HHIP: variants seen among roughly 807,000 people sequenced by gnomAD.
HHIP encodes the protein hedgehog-interacting protein.
Under a neutral mutation model 74.0 loss-of-function variants are expected in HHIP, and 12 were observed. The ratio of observed to expected loss-of-function variants is 0.16; its 90% CI spans 0.10 to 0.26. The LOEUF is 0.26. HHIP is among the 10% of genes least tolerant of loss of function. The pLI is 1.00. For synonymous variants in HHIP, 309 were observed against 311.6 expected, an observed-to-expected ratio of 0.99 and a Z score of 0.09; for missense variants, 788 against 845.0, an observed-to-expected ratio of 0.93 and a Z score of 0.84.
At chr4:144,656,556 AT>A (rs901004262) in intron 2 of HHIP, among the ~76,000 whole-genome samples, 10 of 151,830 alleles carry the variant, frequency 6.6e-5, no homozygotes, top group South Asian at 4.2e-4. Flanking sequence ...TGAAACACAC[AT>A]TTTTTTTAAG....
rs146233465 is a variant in HHIP at position 144,708,212 on chromosome 4, T to G, written c.1202T>G (p.Met401Arg). Residue 401 changes from methionine to arginine, a missense_variant, in exon 7 of 13, where the codon ATG becomes AGG. This residue lies in a region of HHIP where 72 missense variants were observed against 130.6 expected (regional missense o/e 0.55). Coordinates refer to ENST00000296575, the MANE Select transcript of HHIP (RefSeq NM_022475.3). ...SVLRLDVDTDMCNVPYSIPRS... is the reference protein window; with the variant it reads ...SVLRLDVDTDRCNVPYSIPRS... ...CTACGGCTGGATGTGGACACAGACA[T>G]GTGCAACGTGCCTTATTCCATACCA... 1.1e-5 allele frequency: 18 copies of G among 1,613,996 alleles called. No homozygotes were observed. The highest frequency in any genetic ancestry group is 2.7e-5 in the African/African-American group (2 of 74,902).
intron 4 of HHIP, among the ~76,000 whole-genome samples, chr4:144,687,893 C>T (rs1417407201): frequency 6.6e-6 from 1 of 151,188 alleles, no homozygotes; most frequent in Non-Finnish European, 1.5e-5. Flanking sequence ...TTTGAAGTTC[C>T]ACTGTGTTAC....
At chr4:144,695,962 C>T (rs910247067) in intron 4 of HHIP, among the ~76,000 whole-genome samples, 8 of 151,882 alleles carry the variant, frequency 5.3e-5, no homozygotes, top group Admixed American at 4.6e-4. Context: ...TTCTACATAA[C>T]GTGCACGCAT....
At chr4:144,734,339 T>G (rs72718205) in intron 11 of HHIP, among the ~76,000 whole-genome samples, 1,825 of 152,228 alleles carry the variant, frequency 0.012, 14 homozygotes, top group Middle Eastern at 0.024. Flanking sequence ...CAAGTGAAAC[T>G]ATCTCAGACA....
chr4:144,710,625 G>C (rs1730269773), intron 7 of HHIP, among the ~76,000 whole-genome samples: 1 of 152,024 alleles, frequency 6.6e-6, no homozygotes, highest in Admixed American at 6.6e-5. Flanking sequence ...TGTTGGCCTA[G>C]AACAGTGATT....
At chr4:144,682,478 T>G (rs1487840170) in intron 4 of HHIP, among the ~76,000 whole-genome samples, 1 of 152,236 alleles carries the variant, frequency 6.6e-6, no homozygotes, top group East Asian at 1.9e-4. Context: ...GACTGTAATA[T>G]ATGGGAAATC....
At chr4:144,695,114 C>T (rs1336227305) in intron 4 of HHIP, among the ~76,000 whole-genome samples, 2 of 151,708 alleles carry the variant, frequency 1.3e-5, no homozygotes, top group East Asian at 3.9e-4. Flanking sequence ...AAAGGAAATA[C>T]TTGCTTTTCT....
At chr4:144,673,306 T>A (rs1438165022) in intron 4 of HHIP, among the ~76,000 whole-genome samples, 1 of 152,252 alleles carries the variant, frequency 6.6e-6, no homozygotes, top group East Asian at 1.9e-4. Context: ...CCAAAATTTA[T>A]ACCTTCTTTC....
chr4:144,664,791 C>T lies in HHIP; in HGVS notation c.831+4953C>T, dbSNP rs1267563929. Among the ~76,000 whole-genome samples the T allele has an allele frequency of 2.0e-5, 3 of 152,298 alleles. No individual in the cohort carries two copies. The East Asian group carries it at 5.8e-4, about 29-fold the overall frequency. Reference sequence around the variant, plus strand: ...TTGTTAAATATTACAATAGAAGAATCACCATTGTGGCACATTTTTGTATAC... The same window carrying T: ...TTGTTAAATATTACAATAGAAGAATTACCATTGTGGCACATTTTTGTATAC... On this transcript the variant is annotated intron_variant, in intron 4 of 12. Coordinates refer to ENST00000296575, the MANE Select transcript of HHIP (RefSeq NM_022475.3).
chr4:144,706,404 A>G (rs554236130), intron 4 of HHIP, 127 bp from the exon 5 acceptor site: 5 of 717,626 alleles, frequency 7.0e-6, no homozygotes, highest in Admixed American at 3.1e-5. Flanking sequence ...TAGGCAAGGA[A>G]GAAAAGAAAG....
chr4:144,695,229 T>G (rs1729782883), intron 4 of HHIP, among the ~76,000 whole-genome samples: 1 of 151,786 alleles, frequency 6.6e-6, no homozygotes, highest in Non-Finnish European at 1.5e-5. Flanking sequence ...GAAGAAAGAA[T>G]TGAACCTCTC....
intron 11 of HHIP, among the ~76,000 whole-genome samples, chr4:144,734,193 A>G (rs746447022): frequency 1.2e-4 from 18 of 151,894 alleles, no homozygotes; most frequent in Non-Finnish European, 2.5e-4. Flanking sequence ...CAGTCTAAAA[A>G]TATTATCTCA....
At chr4:144,727,859 C>A (rs571917492) in intron 11 of HHIP, among the ~76,000 whole-genome samples, 1 of 152,112 alleles carries the variant, frequency 6.6e-6, no homozygotes, top group South Asian at 2.1e-4. Context: ...ACATTGCTAC[C>A]TTTTTTCCTA....
In HHIP at chr4:144,721,695, G is replaced by GT. The variant is rs1289318141; in HGVS notation, c.1760+2742dup. ...GTGGGTGGATCACCTGAGGTCAGGA[G>GT]TTTGAGACTAGCCTGGCCAACCTGG... On this transcript the variant is annotated intron_variant, in intron 11 of 12. Coordinates refer to ENST00000296575, the MANE Select transcript of HHIP (RefSeq NM_022475.3). 5.3e-5 allele frequency among the ~76,000 whole-genome samples: 8 copies of GT among 151,948 alleles called. No individual in the cohort carries two copies. The South Asian group carries it at 1.2e-3, about 24-fold the overall frequency.
intron 4 of HHIP, among the ~76,000 whole-genome samples, chr4:144,673,226 T>A (rs1729089256): frequency 6.6e-6 from 1 of 152,208 alleles, no homozygotes; most frequent in Non-Finnish European, 1.5e-5. Context: ...TACCTTTCAG[T>A]GGGTCAATAC....
intron 4 of HHIP, among the ~76,000 whole-genome samples, chr4:144,679,189 G>A (rs967492623): frequency 2.6e-5 from 4 of 152,064 alleles, no homozygotes; most frequent in Non-Finnish European, 4.4e-5. Flanking sequence ...CTTTTGAGAA[G>A]TGTCTGTTCA....
At chr4:144,653,849 C>T (rs1728491151) in intron 2 of HHIP, among the ~76,000 whole-genome samples, 1 of 152,036 alleles carries the variant, frequency 6.6e-6, no homozygotes, top group African/African-American at 2.4e-5. Flanking sequence ...TATATCTAAA[C>T]CCATTCAATA....
chr4:144,669,093 TG>T (rs1284313020), intron 4 of HHIP, among the ~76,000 whole-genome samples: 2 of 151,912 alleles, frequency 1.3e-5, no homozygotes, highest in Non-Finnish European at 2.9e-5. Flanking sequence ...AGGTATTTGT[TG>T]ATAGTAGTCA....
chr4:144,737,673 T>G (rs1731156474), intron 12 of HHIP, 91 bp from the exon 13 acceptor site: 1 of 1,152,038 alleles, frequency 8.7e-7, no homozygotes, highest in Non-Finnish European at 1.2e-6. Context: ...CTCGCTTCCC[T>G]TATTCAGCAA....
Sources: allele counts gnomAD v4.1 joint callset (sites outside exome capture counted in the v4.1 genomes callset), GRCh38; gene constraint gnomAD v4.1.1; regional missense constraint gnomAD v4.1.1; transcripts MANE v1.5; gene names NCBI Gene and HGNC (gene_info 2026-07-23, HGNC 2026-07-21).